C17orf99: variants seen among roughly 807,000 people sequenced by gnomAD.
C17orf99 encodes the protein protein IL-40.
Under a neutral mutation model 22.6 loss-of-function variants are expected in C17orf99, and 18 were observed. The observed-to-expected ratio is 0.80, with a 90% confidence interval of 0.55 to 1.18. The LOEUF (loss-of-function observed/expected upper bound fraction) is 1.18, where lower values mean the gene tolerates loss of function less well. Ranked by LOEUF, C17orf99 falls within the 50% of genes most tolerant of loss-of-function variation. The probability of loss-of-function intolerance (pLI) is 0.00; values close to 1 mark genes in which losing one functional copy is unlikely to be tolerated. For missense variants in C17orf99, 328 were observed against 342.7 expected (o/e 0.96, Z 0.34); for synonymous variants, 147 against 136.6 (o/e 1.08, Z -0.53).
intron 2 of C17orf99, among the ~76,000 whole-genome samples, chr17:78,147,403 G>T (rs538096556): frequency 6.6e-6 from 1 of 152,182 alleles, no homozygotes; most frequent in African/African-American, 2.4e-5. Context: ...TGACATACAC[G>T]AGGCTGCCTT....
chr17:78,161,053 C>T lies in C17orf99; in HGVS notation c.169C>T (p.Pro57Ser). 4 of 1,551,746 alleles carry T rather than the reference C, an allele frequency of 2.6e-6. No individual in the cohort carries two copies. The highest frequency in any genetic ancestry group is 3.5e-6 in the Non-Finnish European group (4 of 1,146,996). ...ITCCAPQPPP[P>S]ITYSLCGTKN... is the part of the protein sequence containing the mutation. ...CTGCTGTGCACCCCAGCCACCACCG[C>T]CCATCACCTATTCCCTCTGTGGAAC... is the stretch of plus-strand genomic sequence containing the variant. The change falls in exon 3 of 5, where the codon CCC (proline) becomes TCC (serine). Residue 57 changes from proline to serine, a missense_variant. By Grantham distance (74) the Pro-to-Ser change is moderately conservative. Coordinates refer to ENST00000340363, the MANE Select transcript of C17orf99 (RefSeq NM_001163075.2).
chr17:78,157,352 G>T, intron 2 of C17orf99: 1 of 900,348 alleles, frequency 1.1e-6, no homozygotes, highest in Non-Finnish European at 1.6e-6. Context: ...GCGGCGGTGG[G>T]CTCGGAGGCT....
At chr17:78,162,496 C>G (rs983914560) in intron 3 of C17orf99, among the ~76,000 whole-genome samples, 2 of 151,762 alleles carry the variant, frequency 1.3e-5, no homozygotes, top group Admixed American at 6.6e-5. Flanking sequence ...TCCTTTGGCC[C>G]GCACCCTAAG....
At chr17:78,145,600 C>T (rs2075432023), upstream of C17orf99, among the ~76,000 whole-genome samples, 1 of 152,126 alleles carries the variant, frequency 6.6e-6, no homozygotes, top group Admixed American at 6.5e-5. Flanking sequence ...GGCTGTGAAC[C>T]ATCATGGGTG....
At chr17:78,165,293 C>A (rs1444862702) in intron 4 of C17orf99, 2 of 986,046 alleles carry the variant, frequency 2.0e-6, no homozygotes, top group South Asian at 9.4e-5. Context: ...GTGGCCCAGG[C>A]CCTTACGTGG....
chr17:78,158,210 G>A (rs1183581566), intron 2 of C17orf99: 7 of 664,630 alleles, frequency 1.1e-5, no homozygotes, highest in East Asian at 3.7e-5. Context: ...CAGGGTGGCG[G>A]TGGTGGCAGC....
At chr17:78,161,768 C>A (rs545102117) in intron 3 of C17orf99, among the ~76,000 whole-genome samples, 5 of 150,486 alleles carry the variant, frequency 3.3e-5, no homozygotes, top group Admixed American at 2.0e-4. Flanking sequence ...CGCTTGAACC[C>A]GGGAGGCAGA....
At chr17:78,152,097 G>A (rs992374864) in intron 2 of C17orf99, among the ~76,000 whole-genome samples, 9 of 152,224 alleles carry the variant, frequency 5.9e-5, no homozygotes, top group Middle Eastern at 3.4e-3. Context: ...CAGCCCTGTC[G>A]TCACTTTATC....
At chr17:78,164,927 G>A (rs1468433290) in intron 4 of C17orf99, 3 of 1,154,950 alleles carry the variant, frequency 2.6e-6, no homozygotes, top group East Asian at 7.1e-5. Context: ...ACAGTCTGCT[G>A]GCCTCTGGGA....
Position 78,157,856 on chromosome 17 carries a change from C to T in C17orf99, c.71-3099C>T, listed in dbSNP as rs949904985. On this transcript the variant is annotated intron_variant, in intron 2 of 4. Coordinates refer to ENST00000340363, the MANE Select transcript of C17orf99 (RefSeq NM_001163075.2). ...CTTTGTGGTACTCAAAGGCCGGCCA[C>T]GTAAGATCGTCGAGATGTCTACTTC... 3.9e-5 allele frequency: 42 copies of T among 1,072,100 alleles called. 2 individuals carry two copies. The highest frequency in any genetic ancestry group is 2.5e-4 in the South Asian group (20 of 81,602). The allele number at this position is 1,072,100 out of a possible 1,614,324, so 66.4% of individuals were successfully genotyped here.
At chr17:78,150,500 G>A (rs143891447) in intron 2 of C17orf99, among the ~76,000 whole-genome samples, 9 of 152,250 alleles carry the variant, frequency 5.9e-5, no homozygotes, top group African/African-American at 1.7e-4. Context: ...TAGGAACCAT[G>A]GACAGGCATC....
intron 2 of C17orf99, among the ~76,000 whole-genome samples, chr17:78,148,335 A>G (rs530345621): frequency 6.6e-6 from 1 of 152,134 alleles, no homozygotes; most frequent in Admixed American, 6.5e-5. Context: ...ATGCACCACC[A>G]TGCCCAGCTG....
At chr17:78,155,708 C>T (rs1319495217) in intron 2 of C17orf99, among the ~76,000 whole-genome samples, 2 of 151,996 alleles carry the variant, frequency 1.3e-5, no homozygotes, top group African/African-American at 4.8e-5. Flanking sequence ...CTCACTGTAA[C>T]CTCTGTCTCC....
intron 2 of C17orf99, chr17:78,157,796 C>T (rs78842937): frequency 5.4e-6 from 3 of 555,956 alleles, no homozygotes; most frequent in Non-Finnish European, 8.3e-6. Context: ...GACTCTGTCT[C>T]GGAAAAAAAA....
intron 2 of C17orf99, among the ~76,000 whole-genome samples, chr17:78,151,719 G>A (rs1382936621): frequency 3.9e-5 from 6 of 152,170 alleles, no homozygotes; most frequent in Non-Finnish European, 5.9e-5. Context: ...TAACATGAGA[G>A]AGGGGGAGCC....
intron 2 of C17orf99, among the ~76,000 whole-genome samples, chr17:78,160,356 TGAAACC>T (rs1273214251): frequency 2.0e-4 from 30 of 151,996 alleles, no homozygotes; most frequent in African/African-American, 7.0e-4. Flanking sequence ...ACCAACATGG[TGAAACC>T]CTGTCTCTAC....
At chr17:78,146,170 C>T (rs529098704), upstream of C17orf99, among the ~76,000 whole-genome samples, 9 of 152,320 alleles carry the variant, frequency 5.9e-5, no homozygotes, top group African/African-American at 1.9e-4. This position sits in a 1 kb window ranked among gnomAD's most constrained non-coding sequence, Gnocchi z 5.2. Context: ...CCTGGTCTGG[C>T]TTCAAGGTCC....
intron 3 of C17orf99, among the ~76,000 whole-genome samples, chr17:78,162,046 C>T (rs1415574647): frequency 2.0e-5 from 3 of 151,570 alleles, no homozygotes; most frequent in Admixed American, 6.6e-5. Flanking sequence ...GAGGCCCAGG[C>T]GGGAGGATCA....
At chr17:78,147,556 G>C (rs1362883603) in intron 2 of C17orf99, among the ~76,000 whole-genome samples, 2 of 151,630 alleles carry the variant, frequency 1.3e-5, no homozygotes, top group African/African-American at 4.9e-5. Context: ...CTTTCTGCCT[G>C]CACTTTCTTG....
Sources: gnomAD v4.1 joint callset for allele counts (sites outside exome capture counted in the v4.1 genomes callset) on GRCh38, gnomAD v4.1.1 for gene constraint, Gnocchi (gnomAD v3.1) non-coding constraint, MANE v1.5 for transcripts, NCBI Gene and HGNC (gene_info 2026-07-23, HGNC 2026-07-21) for gene names.